The following PPP2R5C variants were observed in gnomAD, a reference collection of about 807,000 sequenced individuals.
PPP2R5C encodes serine/threonine-protein phosphatase 2A 56 kDa regulatory subunit gamma isoform.
PPP2R5C carries 7 observed loss-of-function variants against 68.9 expected under a neutral mutation model. The ratio of observed to expected loss-of-function variants is 0.10; its 90% CI spans 0.06 to 0.19. The LOEUF (loss-of-function observed/expected upper bound fraction) is 0.19. PPP2R5C is among the 10% of genes least tolerant of loss of function. The probability of loss-of-function intolerance (pLI) is 1.00; values close to 1 mark genes in which losing one functional copy is unlikely to be tolerated. For missense variants in PPP2R5C, 348 were observed against 641.3 expected (o/e 0.54, Z 4.94); for synonymous variants, 210 against 222.2 (o/e 0.95, Z 0.49).
chr14:101,819,233 T>G (rs1455614372), intron 1 of PPP2R5C: 1 of 682,632 alleles, frequency 1.5e-6, no homozygotes, highest in African/African-American at 1.8e-5. Flanking sequence ...CACTTGATAA[T>G]CGCTCTCTTG....
intron 2 of PPP2R5C, among the ~76,000 whole-genome samples, chr14:101,768,461 TAATAAC>T (rs2036972484): frequency 6.6e-6 from 1 of 152,226 alleles, no homozygotes; most frequent in African/African-American, 2.4e-5. Context: ...GTTCATCTAA[TAATAAC>T]AGTAACACCC....
rs570415736 is a variant in PPP2R5C, at chr14:101,925,956, A to G, written c.*684A>G. On this transcript the variant is annotated 3_prime_UTR_variant, in exon 14 of 14. Coordinates refer to ENST00000334743, the Ensembl canonical transcript of PPP2R5C. ...CAGGATTCCAGGAGTAAGCCTGTAG[A>G]AGAGATTTATTTTAAAAGAGATTGC... 2.0e-5 allele frequency: 3 copies of G among 152,710 alleles called. No homozygotes were observed. The East Asian group carries it at 5.8e-4, about 29-fold the overall frequency. 9.5% of individuals were successfully genotyped at this position (152,710 alleles called of 1,614,324 possible).
At chr14:101,886,063 C>T (rs1009122634) in intron 5 of PPP2R5C, among the ~76,000 whole-genome samples, 2 of 152,178 alleles carry the variant, frequency 1.3e-5, no homozygotes, top group African/African-American at 4.8e-5. Context: ...GGGCAGATCA[C>T]AAGGTCAGGA....
Position 101,825,211 on chromosome 14 carries a change from C to CATGT in PPP2R5C, c.94+15175_94+15176insATGT, listed in dbSNP as rs1490529678. ...AGGGATAGGATAAGAGGGTTTTCAG[C>CATGT]GTGTGTGTGTGTGTGTGTGTGTGTG... On this transcript the variant is annotated intron_variant, in intron 1 of 13. Coordinates refer to ENST00000334743, the Ensembl canonical transcript of PPP2R5C. This position sits in a 1 kb window ranked among gnomAD's most constrained non-coding sequence, Gnocchi z 4.0. Among the ~76,000 whole-genome samples, 2 of 143,004 alleles carry CATGT rather than the reference C, an allele frequency of 1.4e-5. No individual in the cohort carries two copies. The highest frequency in any genetic ancestry group is 2.6e-5 in the African/African-American group (1 of 38,436). The allele number at this position is 143,004 out of a possible 152,430, so 93.8% of individuals were successfully genotyped here.
chr14:101,772,965 TG>T (rs542548144), intron 2 of PPP2R5C, among the ~76,000 whole-genome samples: 33 of 152,308 alleles, frequency 2.2e-4, no homozygotes, highest in African/African-American at 7.2e-4. Context: ...GGCTGGGCTC[TG>T]GAGTCAGGTC....
chr14:101,894,872 G>T (rs2045205479), intron 8 of PPP2R5C, among the ~76,000 whole-genome samples: 1 of 152,130 alleles, frequency 6.6e-6, no homozygotes, highest in Non-Finnish European at 1.5e-5. Context: ...CAATTCAGTA[G>T]TTTCACATCT....
At chr14:101,910,516 G>A (rs2046321216) in intron 11 of PPP2R5C, among the ~76,000 whole-genome samples, 1 of 152,150 alleles carries the variant, frequency 6.6e-6, no homozygotes, top group South Asian at 2.1e-4. Flanking sequence ...TGGCAATATA[G>A]CAATGAATAA....
chr14:101,871,551 C>T (rs1414897719), intron 2 of PPP2R5C, among the ~76,000 whole-genome samples: 2 of 152,102 alleles, frequency 1.3e-5, no homozygotes, highest in African/African-American at 4.8e-5. Flanking sequence ...CTGAGTCTTG[C>T]TTTTTTATTC....
At chr14:101,908,229 C>T (rs565667893) in intron 10 of PPP2R5C, among the ~76,000 whole-genome samples, 1 of 152,206 alleles carries the variant, frequency 6.6e-6, no homozygotes, top group Non-Finnish European at 1.5e-5. Context: ...CATTTGCTGT[C>T]ACTTAGTGGT....
chr14:101,779,957 G>T (rs968367551), intron 2 of PPP2R5C, among the ~76,000 whole-genome samples: 1 of 152,232 alleles, frequency 6.6e-6, no homozygotes, highest in South Asian at 2.1e-4. Flanking sequence ...GTAGTCGAGG[G>T]AATCATATAG....
Position 101,810,315 on chromosome 14 carries a change from G to C in PPP2R5C, c.94+279G>C, listed in dbSNP as rs1303710627. 15 of 364,582 alleles carry C rather than the reference G, an allele frequency of 4.1e-5. No homozygotes were observed. The East Asian group carries it at 6.8e-4, about 16-fold the overall frequency. The allele number at this position is 364,582 out of a possible 1,614,324, so 22.6% of individuals were successfully genotyped here. On this transcript the variant is annotated intron_variant, in intron 1 of 13. Transcript: ENST00000334743. Reference sequence around the variant, plus strand: ...ATCCCCCTTTCAAAGCTGTGCTGATGTCAAAGGATGTGAAGTCACTGCCCA... The same window carrying C: ...ATCCCCCTTTCAAAGCTGTGCTGATCTCAAAGGATGTGAAGTCACTGCCCA...
At chr14:101,769,853 G>A (rs2037057534) in intron 2 of PPP2R5C, among the ~76,000 whole-genome samples, 2 of 152,066 alleles carry the variant, frequency 1.3e-5, no homozygotes, top group African/African-American at 2.4e-5. Flanking sequence ...CTTAATGAGG[G>A]GGTACGTTCT....
At chr14:101,920,142 T>C (rs566297409) in intron 13 of PPP2R5C, among the ~76,000 whole-genome samples, 23 of 152,306 alleles carry the variant, frequency 1.5e-4, no homozygotes, top group Admixed American at 5.2e-4. Flanking sequence ...GCAATTTAGG[T>C]CCTGCTCTGT....
chr14:101,904,530 G>A (rs1415203913), intron 9 of PPP2R5C, among the ~76,000 whole-genome samples: 2 of 152,188 alleles, frequency 1.3e-5, no homozygotes, highest in African/African-American at 4.8e-5. Flanking sequence ...ATTGTGCCTT[G>A]TTTTGAATCC....
At position 101,825,184 on chromosome 14, in the gene PPP2R5C, A is replaced by G. The variant is rs780649463; in HGVS notation, c.94+15148A>G. 2.7e-5 allele frequency among the ~76,000 whole-genome samples: 4 copies of G among 150,446 alleles called. No homozygotes were observed. Among genetic ancestry groups the G allele is most frequent in the Non-Finnish European group, 4.4e-5 (3 of 67,812 alleles). Reference sequence around the variant, plus strand: ...AGAAACTGAAAGTGATACTTTTGGCAGAGGGATAGGATAAGAGGGTTTTCA... The same window carrying G: ...AGAAACTGAAAGTGATACTTTTGGCGGAGGGATAGGATAAGAGGGTTTTCA... On this transcript the variant is annotated intron_variant, in intron 1 of 13. Coordinates refer to ENST00000334743, the Ensembl canonical transcript of PPP2R5C. This position sits in a 1 kb window ranked among gnomAD's most constrained non-coding sequence, Gnocchi z 4.0.
intron 3 of PPP2R5C, among the ~76,000 whole-genome samples, chr14:101,800,256 G>A (rs1293744511): frequency 3.3e-5 from 5 of 152,108 alleles, no homozygotes; most frequent in South Asian, 2.1e-4. Context: ...AAAAATGTAC[G>A]TATTTTTTTA....
chr14:101,809,757 A>T, upstream of PPP2R5C: 1 of 1,259,752 alleles, frequency 7.9e-7, no homozygotes, highest in Non-Finnish European at 1.0e-6. Context: ...TTCCGTTTGC[A>T]GTTTTTTTAG....
chr14:101,845,809 G>A (rs532242794), intron 1 of PPP2R5C, among the ~76,000 whole-genome samples: 1 of 152,242 alleles, frequency 6.6e-6, no homozygotes, highest in South Asian at 2.1e-4. Context: ...ATGTAACCTT[G>A]GTACATGTGT....
intron 2 of PPP2R5C, among the ~76,000 whole-genome samples, chr14:101,870,670 G>T (rs1415002035): frequency 6.6e-6 from 1 of 152,130 alleles, no homozygotes; most frequent in African/African-American, 2.4e-5. Flanking sequence ...AAATCAGCTT[G>T]TTATCTACAA....
Sources: allele counts gnomAD v4.1 joint callset (sites outside exome capture counted in the v4.1 genomes callset), GRCh38; gene constraint gnomAD v4.1.1; non-coding constraint Gnocchi (gnomAD v3.1); transcripts MANE v1.5; gene names NCBI Gene and HGNC (gene_info 2026-07-23, HGNC 2026-07-21).